The following RPH3A variants were observed in gnomAD, a reference collection of about 807,000 sequenced individuals.
RPH3A encodes the protein rabphilin 3A.
Under a neutral mutation model 102.2 loss-of-function variants are expected in RPH3A, and 48 were observed. The observed-to-expected ratio is 0.47, with a 90% confidence interval of 0.37 to 0.60. The LOEUF is 0.60. Ranked by LOEUF, RPH3A falls within the 20% of genes least tolerant of loss-of-function variation. The pLI, the probability that RPH3A is intolerant of heterozygous loss-of-function variation, is 0.00. For missense variants in RPH3A, 781 were observed against 910.1 expected (o/e 0.86, Z 1.83); for synonymous variants, 310 against 324.3 (o/e 0.96, Z 0.47).
chr12:112,845,600 C>A (rs1042776345), intron 4 of RPH3A, among the ~76,000 whole-genome samples: 1 of 152,204 alleles, frequency 6.6e-6, no homozygotes, highest in African/African-American at 2.4e-5. Context: ...TGAGTAACCT[C>A]CATTGCTTCT....
At chr12:112,596,547 G>C (rs576982124) in intron 1 of RPH3A, among the ~76,000 whole-genome samples, 111 of 152,170 alleles carry the variant, frequency 7.3e-4, no homozygotes, top group African/African-American at 2.6e-3. Context: ...GATGTGTGTG[G>C]CTCCACTTCA....
chr12:112,847,018 T>A (rs911669165), intron 4 of RPH3A, among the ~76,000 whole-genome samples: 20 of 152,008 alleles, frequency 1.3e-4, no homozygotes, highest in African/African-American at 4.8e-4. Context: ...CCCTGCCTTG[T>A]AGGGGTGATG....
Position 112,868,520 on chromosome 12 carries a change from C to A in RPH3A, c.535C>A (p.Gln179Lys), listed in dbSNP as rs762533530. Reference protein sequence around the residue: ...PMPIKKTKPQQPVSEPAAPEQ... With the variant: ...PMPIKKTKPQKPVSEPAAPEQ... ...GCCTATAAAGAAGACCAAGCCCCAG[C>A]AGCCTGTCAGTGAGCCTGCTGCCCC... The change falls in exon 8 of 22, where the codon CAG (glutamine) becomes AAG (lysine). Residue 179 changes from glutamine (Q) to lysine (K), a missense_variant. By Grantham distance (53) the Gln-to-Lys change is moderately conservative. Transcript: ENST00000389385. 1.2e-6 allele frequency: 2 copies of A among 1,614,202 alleles called. No homozygotes were observed. The highest frequency in any genetic ancestry group is 3.3e-5 in the Admixed American group (2 of 60,024).
chr12:112,635,287 T>G (rs2039839950), intron 1 of RPH3A, among the ~76,000 whole-genome samples: 1 of 152,218 alleles, frequency 6.6e-6, no homozygotes, highest in African/African-American at 2.4e-5. Context: ...TTCCATGTAC[T>G]AGGTAATATC....
intron 1 of RPH3A, among the ~76,000 whole-genome samples, chr12:112,620,633 G>A (rs1298050567): frequency 1.3e-5 from 2 of 152,134 alleles, no homozygotes; most frequent in Non-Finnish European, 1.5e-5. Context: ...TGAACTTCTC[G>A]TAGGAACTTC....
Position 112,687,980 on chromosome 12 carries a change from A to C in RPH3A, c.-139-104163A>C, listed in dbSNP as rs75149543. ...ATGCTGTGGTCTACCCCCAAGGCCC[A>C]AAAGGACAGCTCACAAAATAGTTTA... On this transcript the variant is annotated intron_variant, in intron 1 of 21. Coordinates refer to the RPH3A transcript ENST00000543106. 1.2e-4 allele frequency among the ~76,000 whole-genome samples: 19 copies of C among 152,366 alleles called. No homozygotes were observed. In the East Asian group the frequency reaches 3.5e-3, roughly 28 times the overall value.
At position 112,707,933 on chromosome 12, in the gene RPH3A, G is replaced by T. The variant is rs570185570; in HGVS notation, c.-139-84210G>T. Among the ~76,000 whole-genome samples, 68 of 152,336 alleles carry T rather than the reference G, an allele frequency of 4.5e-4. No individual in the cohort carries two copies. The South Asian group carries it at 0.012, about 26-fold the overall frequency. Reference sequence around the variant, plus strand: ...GAAAGCTCCAATCCACCTCCATGAAGAATTTGGATCTAGAATTTTAAGGAG... The same window carrying T: ...GAAAGCTCCAATCCACCTCCATGAATAATTTGGATCTAGAATTTTAAGGAG... On this transcript the variant is annotated intron_variant, in intron 1 of 21. Transcript: ENST00000543106.
chr12:112,695,986 C>G (rs2040348828), intron 1 of RPH3A, among the ~76,000 whole-genome samples: 1 of 152,070 alleles, frequency 6.6e-6, no homozygotes, highest in African/African-American at 2.4e-5. Context: ...TATCCCTCAC[C>G]CCCTCCCAAA....
At chr12:112,743,785 G>A (rs951096066) in intron 1 of RPH3A, among the ~76,000 whole-genome samples, 1 of 152,152 alleles carries the variant, frequency 6.6e-6, no homozygotes, top group African/African-American at 2.4e-5. Context: ...TCCAGTAAGA[G>A]GAGGCTTTGG....
At chr12:112,895,901 G>T (rs775151657) in intron 21 of RPH3A, 28 bp downstream of exon 21, 7 of 1,488,432 alleles carry the variant, frequency 4.7e-6, no homozygotes, top group Non-Finnish European at 5.6e-6. Context: ...CAGAGAAAAC[G>T]CCCTCTTCTG....
chr12:112,599,399 A>G (rs1269152374), intron 1 of RPH3A, among the ~76,000 whole-genome samples: 1 of 152,220 alleles, frequency 6.6e-6, no homozygotes, highest in African/African-American at 2.4e-5. Context: ...CATTGCATCA[A>G]CTACTCAATG....
chr12:112,585,703 C>T (rs1169701522), intron 1 of RPH3A, among the ~76,000 whole-genome samples: 1 of 152,088 alleles, frequency 6.6e-6, no homozygotes, highest in Non-Finnish European at 1.5e-5. Flanking sequence ...CGCCACTGCA[C>T]TCCAGCCTGG....
intron 1 of RPH3A, among the ~76,000 whole-genome samples, chr12:112,610,259 T>A (rs2039628780): frequency 6.6e-6 from 1 of 152,132 alleles, no homozygotes; most frequent in African/African-American, 2.4e-5. Context: ...TCCCAGCACT[T>A]TGGGAGGCCA....
At chr12:112,784,986 G>T (rs1172761399) in intron 1 of RPH3A, among the ~76,000 whole-genome samples, 1 of 152,226 alleles carries the variant, frequency 6.6e-6, no homozygotes, top group Non-Finnish European at 1.5e-5. Context: ...ACTTTGGGAG[G>T]CAGAGGCGGG....
In RPH3A at chr12:112,890,821, G is replaced by A. The variant is rs370100127; in HGVS notation, c.1621-28G>A. ...ATTTCCTGGCCCCCTCCCCTCCAAGGCCCACACTGCCTTTTCCCCCAATGC... is the reference window on the plus strand; with the variant it reads ...ATTTCCTGGCCCCCTCCCCTCCAAGACCCACACTGCCTTTTCCCCCAATGC... On this transcript the variant is annotated intron_variant, in intron 18 of 21. Transcript: ENST00000389385. 29 of 1,608,166 alleles carry A rather than the reference G, an allele frequency of 1.8e-5. No individual in the cohort carries two copies. In the Admixed American group the frequency reaches 2.9e-4, roughly 16 times the overall value.
At chr12:112,647,344 A>T (rs1306679556) in intron 1 of RPH3A, among the ~76,000 whole-genome samples, 1 of 152,146 alleles carries the variant, frequency 6.6e-6, no homozygotes, top group Admixed American at 6.5e-5. Flanking sequence ...TCAGTTTCAT[A>T]ATCTGTACAA....
At chr12:112,624,301 A>G (rs1290129352) in intron 1 of RPH3A, among the ~76,000 whole-genome samples, 1 of 151,644 alleles carries the variant, frequency 6.6e-6, no homozygotes, top group African/African-American at 2.4e-5. Context: ...AACAAAATTG[A>G]TAGACCGCTA....
At chr12:112,608,209 G>A (rs1463369946) in intron 1 of RPH3A, among the ~76,000 whole-genome samples, 1 of 151,244 alleles carries the variant, frequency 6.6e-6, no homozygotes, top group Non-Finnish European at 1.5e-5. Context: ...TCTGCCTGCC[G>A]GGTTCAAGTG....
intron 19 of RPH3A, among the ~76,000 whole-genome samples, chr12:112,892,563 A>G (rs1389661388): frequency 6.6e-6 from 1 of 152,214 alleles, no homozygotes; most frequent in Non-Finnish European, 1.5e-5. Context: ...TGTCCCTGCT[A>G]GCGTCAGTTA....
Sources: allele counts gnomAD v4.1 joint callset (sites outside exome capture counted in the v4.1 genomes callset), GRCh38; gene constraint gnomAD v4.1.1; transcripts MANE v1.5; gene names NCBI Gene and HGNC (gene_info 2026-07-23, HGNC 2026-07-21).